The following BABAM2 variants were observed in gnomAD, a reference collection of about 807,000 sequenced individuals.
The protein encoded by BABAM2 is BRISC and BRCA1-A complex member 2.
Under a neutral mutation model 54.7 loss-of-function variants are expected in BABAM2, and 31 were observed. The ratio of observed to expected loss-of-function variants is 0.57; its 90% confidence interval spans 0.43 to 0.77. The LOEUF (loss-of-function observed/expected upper bound fraction) is 0.77, where lower values mean the gene tolerates loss of function less well. Ranked by LOEUF, BABAM2 falls within the 30% of genes least tolerant of loss-of-function variation. The pLI is 0.00. For missense variants in BABAM2, 364 were observed against 455.8 expected, an observed-to-expected ratio of 0.80 and a Z score of 1.83; for synonymous variants, 167 against 162.9, an observed-to-expected ratio of 1.03 and a Z score of -0.19.
chr2:28,099,409 G>T (rs1220237289), intron 6 of BABAM2, among the ~76,000 whole-genome samples: 2 of 152,162 alleles, frequency 1.3e-5, no homozygotes, highest in African/African-American at 2.4e-5. Context: ...TTGCCAAAGG[G>T]CTCAGAATGG....
chr2:27,994,221 GA>G (rs1259174571), intron 4 of BABAM2, among the ~76,000 whole-genome samples: 3 of 152,190 alleles, frequency 2.0e-5, no homozygotes, highest in Non-Finnish European at 2.9e-5. Context: ...GGAACATGGA[GA>G]GGGGCACTTT....
chr2:28,054,159 T>G (rs1286560143), intron 6 of BABAM2, among the ~76,000 whole-genome samples: 2 of 152,078 alleles, frequency 1.3e-5, no homozygotes, highest in East Asian at 3.9e-4. Flanking sequence ...GGGGAGTGTT[T>G]CTTCACAAAG....
intron 6 of BABAM2, among the ~76,000 whole-genome samples, chr2:28,066,227 T>C (rs866672262): frequency 6.6e-5 from 10 of 151,766 alleles, no homozygotes; most frequent in African/African-American, 2.4e-4. Context: ...ATTTATTAAA[T>C]TGTGACTCTG....
At chr2:28,223,001 T>C (rs1482576430) in intron 7 of BABAM2, among the ~76,000 whole-genome samples, 1 of 152,198 alleles carries the variant, frequency 6.6e-6, no homozygotes, top group East Asian at 1.9e-4. Context: ...TTTTAGAGAA[T>C]TGGCTAAAAA....
At chr2:27,949,533 C>CAAAA (rs1042311055) in intron 3 of BABAM2, among the ~76,000 whole-genome samples, 1 of 73,774 alleles carries the variant, frequency 1.4e-5, no homozygotes, top group Non-Finnish European at 2.8e-5. Flanking sequence ...GATTCCGTCT[C>CAAAA]AAAAAAAAAA....
At chr2:28,231,170 T>G (rs1261042986) in intron 7 of BABAM2, among the ~76,000 whole-genome samples, 2 of 152,194 alleles carry the variant, frequency 1.3e-5, no homozygotes, top group Non-Finnish European at 1.5e-5. Context: ...GGCAGGGTTG[T>G]TGTGAGGTTT....
At chr2:27,986,003 T>C (rs1287118446) in intron 3 of BABAM2, among the ~76,000 whole-genome samples, 1 of 152,130 alleles carries the variant, frequency 6.6e-6, no homozygotes, top group Non-Finnish European at 1.5e-5. Context: ...AGAGACAATT[T>C]AGTGGGCTCA....
intron 7 of BABAM2, among the ~76,000 whole-genome samples, chr2:28,145,395 T>C (rs1469491595): frequency 6.6e-6 from 1 of 152,072 alleles, no homozygotes; most frequent in African/African-American, 2.4e-5. Context: ...TTTCACTGCC[T>C]TTTACAAGTT....
intron 11 of BABAM2, among the ~76,000 whole-genome samples, chr2:28,312,979 C>T (rs147231363): frequency 9.8e-4 from 150 of 152,286 alleles, no homozygotes; most frequent in African/African-American, 3.4e-3. Context: ...CCCAAGCCAC[C>T]TCTGACCTCC....
intron 11 of BABAM2, 113 bp downstream of exon 11, chr2:28,298,604 A>G: frequency 7.8e-7 from 1 of 1,282,058 alleles, no homozygotes; most frequent in South Asian, 1.5e-5. Flanking sequence ...GTTTTTGTAA[A>G]TAAAGTTTTA....
chr2:27,890,332 C>T (rs775968520), upstream of BABAM2: 1 of 1,613,574 alleles, frequency 6.2e-7, no homozygotes, highest in Non-Finnish European at 8.5e-7. This position sits in a 1 kb window ranked among gnomAD's most constrained non-coding sequence, Gnocchi z 4.8. Flanking sequence ...CTGGGGTTCC[C>T]CAGACGCCGC....
Position 28,069,428 on chromosome 2 carries a change from A to G in BABAM2, c.570+23629A>G, listed in dbSNP as rs1663919805. On this transcript the variant is annotated intron_variant, in intron 6 of 11. Transcript: ENST00000379624. ...TACTTCCAGATATCCTTGGAATATA[A>G]TGGATTAAAGAGTTGCAGAAGTTAA... 2.0e-5 allele frequency among the ~76,000 whole-genome samples: 3 copies of G among 152,314 alleles called. No homozygotes were observed. In the South Asian group the frequency reaches 6.2e-4, roughly 32 times the overall value.
chr2:27,896,766 G>T, intron 2 of BABAM2: 1 of 231,442 alleles, frequency 4.3e-6, no homozygotes, highest in South Asian at 5.0e-5. Context: ...CCAGCAACTG[G>T]GCCAGCAGCT....
At chr2:28,162,540 C>T (rs1673202162) in intron 7 of BABAM2, among the ~76,000 whole-genome samples, 1 of 152,210 alleles carries the variant, frequency 6.6e-6, no homozygotes, top group Non-Finnish European at 1.5e-5. Context: ...CAGTGCCCAG[C>T]GAATGATAGC....
At position 28,069,429 on chromosome 2, in the gene BABAM2, T is replaced by A. The variant is rs559476560; in HGVS notation, c.570+23630T>A. Among the ~76,000 whole-genome samples the A allele has an allele frequency of 2.8e-4, 42 of 152,276 alleles. No individual in the cohort carries two copies. In the South Asian group the frequency reaches 8.5e-3, roughly 31 times the overall value. ...ACTTCCAGATATCCTTGGAATATAA[T>A]GGATTAAAGAGTTGCAGAAGTTAAG... is the stretch of plus-strand genomic sequence containing the variant. On this transcript the variant is annotated intron_variant, in intron 6 of 11. Coordinates refer to ENST00000379624, the MANE Select transcript of BABAM2 (RefSeq NM_199191.3).
intron 6 of BABAM2, among the ~76,000 whole-genome samples, chr2:28,098,677 G>A (rs909479395): frequency 3.3e-5 from 5 of 152,150 alleles, no homozygotes; most frequent in African/African-American, 7.2e-5. Context: ...AGGTGTAAAC[G>A]TGATATTCTC....
intron 3 of BABAM2, among the ~76,000 whole-genome samples, chr2:27,984,882 G>A (rs1444316958): frequency 1.3e-5 from 2 of 151,936 alleles, no homozygotes; most frequent in Non-Finnish European, 2.9e-5. Context: ...AGTCCATTAA[G>A]TCATTCTTAC....
intron 7 of BABAM2, among the ~76,000 whole-genome samples, chr2:28,167,142 A>G (rs969659953): frequency 1.3e-5 from 2 of 152,176 alleles, no homozygotes; most frequent in African/African-American, 2.4e-5. Flanking sequence ...TCACTTATGC[A>G]TATGTTCTTC....
chr2:28,179,910 G>A (rs1258047410), intron 7 of BABAM2, among the ~76,000 whole-genome samples: 1 of 152,010 alleles, frequency 6.6e-6, no homozygotes, highest in Non-Finnish European at 1.5e-5. Flanking sequence ...ATTTAAACAA[G>A]GAGGTGAAAG....
Sources: gnomAD v4.1 joint callset for allele counts (sites outside exome capture counted in the v4.1 genomes callset) on GRCh38, gnomAD v4.1.1 for gene constraint, Gnocchi (gnomAD v3.1) non-coding constraint, MANE v1.5 for transcripts, NCBI Gene and HGNC (gene_info 2026-07-23, HGNC 2026-07-21) for gene names.